PRIM2: variants seen among roughly 807,000 people sequenced by gnomAD.
PRIM2 encodes DNA primase large subunit.
A neutral mutation model predicts 67.3 loss-of-function variants in PRIM2; 39 were observed. The observed-to-expected ratio is 0.58, with a 90% confidence interval of 0.45 to 0.76. PRIM2 has a LOEUF of 0.76. PRIM2 is among the 30% of genes least tolerant of loss of function. PRIM2 has a pLI of 0.00. For missense variants in PRIM2, 398 were observed against 598.7 expected (o/e 0.66, Z 3.50); for synonymous variants, 143 against 198.7 (o/e 0.72, Z 2.36).
At chr6:57,478,738 T>G (rs1773543361) in intron 7 of PRIM2, among the ~76,000 whole-genome samples, 1 of 151,386 alleles carries the variant, frequency 6.6e-6, no homozygotes, top group African/African-American at 2.5e-5. Context: ...GACAAGCTCT[T>G]TAACATCTCT....
chr6:57,242,088 C>A, the PRIM2 span, among the ~76,000 whole-genome samples: 1 of 152,078 alleles, frequency 6.6e-6, no homozygotes, highest in African/African-American at 2.4e-5. Context: ...ATAATATTAA[C>A]AATAATAAGT....
At chr6:57,430,855 T>C (rs1158420067) in intron 7 of PRIM2, among the ~76,000 whole-genome samples, 2 of 152,166 alleles carry the variant, frequency 1.3e-5, no homozygotes, top group Admixed American at 1.3e-4. Context: ...TTTTGTAGAT[T>C]CTTTGGATAA....
intron 12 of PRIM2, among the ~76,000 whole-genome samples, chr6:57,627,736 C>T (rs1776977276): frequency 1.3e-5 from 2 of 152,262 alleles, no homozygotes; most frequent in East Asian, 1.9e-4. Context: ...TAGATTAGAA[C>T]AGTAAGTGGA....
the PRIM2 span, among the ~76,000 whole-genome samples, chr6:57,233,573 A>G: frequency 6.6e-6 from 1 of 151,362 alleles, no homozygotes; most frequent in African/African-American, 2.4e-5. Context: ...CATCTTGTTA[A>G]CAATGTCTTT....
chr6:57,475,964 T>C (rs1321923328), intron 7 of PRIM2, among the ~76,000 whole-genome samples: 3 of 152,174 alleles, frequency 2.0e-5, no homozygotes, highest in Non-Finnish European at 2.9e-5. Flanking sequence ...ATTGTTTCTG[T>C]TTGTGATTTG....
intron 7 of PRIM2, among the ~76,000 whole-genome samples, chr6:57,411,903 G>A (rs1771101322): frequency 6.6e-6 from 1 of 151,672 alleles, no homozygotes; most frequent in Non-Finnish European, 1.5e-5. Flanking sequence ...ATTTAATAAT[G>A]TAATATATAG....
Position 57,471,986 on chromosome 6 carries a change from G to GT in PRIM2, c.694-35392dup, listed in dbSNP as rs1299129546. Among the ~76,000 whole-genome samples, 231 of 151,308 alleles carry GT rather than the reference G, an allele frequency of 1.5e-3. 2 individuals carry two copies. In the East Asian group the frequency reaches 0.038, roughly 25 times the overall value. Reference sequence around the variant, plus strand: ...TGGAGCCCTTGTTTTGAGATACGCGGTTTTTTTTTGAGAACTGTTGTTGCT... The same window carrying GT: ...TGGAGCCCTTGTTTTGAGATACGCGGTTTTTTTTTTGAGAACTGTTGTTGCT... On this transcript the variant is annotated intron_variant, in intron 7 of 13. Coordinates refer to ENST00000615550, the MANE Select transcript of PRIM2 (RefSeq NM_000947.5).
chr6:57,379,811 T>C (rs1769890765), intron 5 of PRIM2, 90 bp from the exon 6 acceptor site: 1 of 1,149,682 alleles, frequency 8.7e-7, no homozygotes, highest in East Asian at 2.8e-5. Context: ...TTAATAAAAG[T>C]AAACAGTATT....
intron 7 of PRIM2, among the ~76,000 whole-genome samples, chr6:57,423,286 C>G (rs1423292279): frequency 6.6e-6 from 1 of 152,084 alleles, no homozygotes; most frequent in African/African-American, 2.4e-5. Flanking sequence ...CACATAGTTC[C>G]TTTAATTTTC....
At chr6:57,392,489 T>C (rs1180944389) in intron 7 of PRIM2, among the ~76,000 whole-genome samples, 1 of 152,080 alleles carries the variant, frequency 6.6e-6, no homozygotes, top group Non-Finnish European at 1.5e-5. Flanking sequence ...AGCCAAAAAT[T>C]TATCAAATAT....
At position 57,474,173 on chromosome 6, in the gene PRIM2, C is replaced by CTTTTTTTTT. The variant is rs1158188964; in HGVS notation, c.694-33192_694-33184dup. ...TCTACTTTTTCTGCAATTCTGCTAT[C>CTTTTTTTTT]TTTTTTTTTTTTTTTTTTTTTTTTT... On this transcript the variant is annotated intron_variant, in intron 7 of 13. Transcript: ENST00000615550. Among the ~76,000 whole-genome samples the CTTTTTTTTT allele has an allele frequency of 1.4e-4, 9 of 63,916 alleles. 1 individual carries two copies. Among genetic ancestry groups the CTTTTTTTTT allele is most frequent in the African/African-American group, 4.6e-4 (7 of 15,166 alleles). 41.9% of individuals were successfully genotyped at this position (63,916 alleles called of 152,430 possible). A position where few individuals can be genotyped will look rare whatever the true frequency, so the allele number is the denominator to read the frequency against.
intron 7 of PRIM2, among the ~76,000 whole-genome samples, chr6:57,390,841 G>T (rs112516100): frequency 0.013 from 2,055 of 152,264 alleles, 45 homozygotes; most frequent in African/African-American, 0.047. Context: ...GTGCTGCAAT[G>T]AACATTGGTG....
chr6:57,639,068 G>A (rs1777178337), intron 13 of PRIM2, among the ~76,000 whole-genome samples: 1 of 152,182 alleles, frequency 6.6e-6, no homozygotes, highest in Admixed American at 6.5e-5. Flanking sequence ...AGACCACAGT[G>A]CAATCAAATT....
At position 57,632,183 on chromosome 6, in the gene PRIM2, C is replaced by T; in HGVS notation, c.1281C>T (p.Tyr427=). 8 of 1,490,320 alleles carry T rather than the reference C, an allele frequency of 5.4e-6. No homozygotes were observed. The highest frequency in any genetic ancestry group is 7.2e-6 in the Non-Finnish European group (8 of 1,112,868). 92.3% of individuals were successfully genotyped at this position (1,490,320 alleles called of 1,614,324 possible). A position where few individuals can be genotyped will look rare whatever the true frequency, so the allele number is the denominator to read the frequency against. ...ATTACCAGGTAGCCTGTCAAAAATA[C>T]TTTGAGATGATACACAATGTAAGTA... ...GTHYQVACQK[Y]FEMIHNVDDC... is the part of the protein sequence containing the mutation. The change falls in exon 13 of 14, where the codon TAC becomes TAT. Residue 427 remains tyrosine (Y), a synonymous_variant. Coordinates refer to ENST00000615550, the MANE Select transcript of PRIM2 (RefSeq NM_000947.5).
intron 9 of PRIM2, among the ~76,000 whole-genome samples, chr6:57,535,963 G>A (rs1391251451): frequency 6.6e-6 from 1 of 152,148 alleles, no homozygotes; most frequent in East Asian, 1.9e-4. Flanking sequence ...TGATTGTATG[G>A]ATTAGAACAA....
At chr6:57,573,743 T>C (rs1775908183) in intron 10 of PRIM2, among the ~76,000 whole-genome samples, 1 of 152,216 alleles carries the variant, frequency 6.6e-6, no homozygotes, top group Non-Finnish European at 1.5e-5. Flanking sequence ...AAATGTGATA[T>C]AGCATAGGAA....
At chr6:57,563,511 G>T (rs1410055866) in intron 10 of PRIM2, among the ~76,000 whole-genome samples, 2 of 152,026 alleles carry the variant, frequency 1.3e-5, no homozygotes, top group African/African-American at 2.4e-5. Context: ...ATAAGGTTAC[G>T]TACTGATATT....
At chr6:57,435,511 A>C (rs1771982004) in intron 7 of PRIM2, among the ~76,000 whole-genome samples, 1 of 152,224 alleles carries the variant, frequency 6.6e-6, no homozygotes, top group African/African-American at 2.4e-5. Context: ...ACTGAGGAGA[A>C]ACAAATACTT....
the PRIM2 span, among the ~76,000 whole-genome samples, chr6:57,289,975 TG>T: frequency 5.3e-5 from 8 of 152,184 alleles, no homozygotes; most frequent in East Asian, 1.5e-3. Flanking sequence ...TAAATGTAAA[TG>T]GGCTAAATGT....
Sources: allele counts gnomAD v4.1 joint callset (sites outside exome capture counted in the v4.1 genomes callset), GRCh38; gene constraint gnomAD v4.1.1; transcripts MANE v1.5; gene names NCBI Gene and HGNC (gene_info 2026-07-23, HGNC 2026-07-21).